Variants in PES1 observed in about 807,000 individuals in gnomAD.
PES1 encodes pescadillo ribosomal biogenesis factor 1.
Under a neutral mutation model 77.1 loss-of-function variants are expected in PES1, and 31 were observed. The observed-to-expected ratio is 0.40, with a 90% CI of 0.30 to 0.54. The LOEUF (loss-of-function observed/expected upper bound fraction) is 0.54, where lower values mean the gene tolerates loss of function less well. Ranked by LOEUF, PES1 falls within the 20% of genes least tolerant of loss-of-function variation. The probability of loss-of-function intolerance (pLI) is 0.45; values close to 1 mark genes in which losing one functional copy is unlikely to be tolerated. For missense variants in PES1, 658 were observed against 771.7 expected (o/e 0.85, Z 1.75); for synonymous variants, 282 against 303.0 (o/e 0.93, Z 0.72).
intron 2 of PES1, among the ~76,000 whole-genome samples, chr22:30,598,122 T>C (rs548410216): frequency 1.6e-4 from 24 of 152,164 alleles, no homozygotes; most frequent in Non-Finnish European, 2.9e-4. Flanking sequence ...GTTGAAGTTT[T>C]ATTCTTTCAC....
chr22:30,590,031 T>G (rs961787740), intron 1 of PES1, among the ~76,000 whole-genome samples: 2 of 152,160 alleles, frequency 1.3e-5, no homozygotes, highest in Admixed American at 6.5e-5. Context: ...AAAAGCATGC[T>G]CTAAGCCACA....
At chr22:30,580,301 C>A (rs938834116) in intron 10 of PES1, 123 bp from the exon 11 acceptor site, 10 of 1,243,592 alleles carry the variant, frequency 8.0e-6, no homozygotes, top group African/African-American at 1.5e-5. Context: ...ACAATTACCC[C>A]CTCCTCACCC....
chr22:30,582,096 G>A (rs1287283901), intron 6 of PES1, among the ~76,000 whole-genome samples: 2 of 152,244 alleles, frequency 1.3e-5, no homozygotes, highest in Admixed American at 6.5e-5. Flanking sequence ...CTGCATGTCT[G>A]CTGCTGGGCT....
chr22:30,596,911 TAG>T (rs1279103901), intron 2 of PES1, among the ~76,000 whole-genome samples: 1 of 152,112 alleles, frequency 6.6e-6, no homozygotes, highest in African/African-American at 2.4e-5. Context: ...GCGGGCCAGC[TAG>T]AGTTAAGGGT....
rs1026549389 is a variant in PES1 at position 30,586,427 on chromosome 22, T to C, written c.368+859A>G. The stretch of plus-strand genomic sequence containing the variant: ...GAGCCATCCTAGAGCTCAGTGTTCC[T>C]GGGCCATCAGCCTCCAAAGATGACA... On this transcript the variant is annotated intron_variant, in intron 4 of 14. Transcript: ENST00000354694. Among the ~76,000 whole-genome samples, 3 of 152,208 alleles carry C rather than the reference T, an allele frequency of 2.0e-5. No homozygotes were observed. The South Asian group carries it at 6.2e-4, about 31-fold the overall frequency.
chr22:30,597,877 G>GTTTTTT (rs869064352), intron 2 of PES1, among the ~76,000 whole-genome samples: 6 of 90,600 alleles, frequency 6.6e-5, no homozygotes, highest in Non-Finnish European at 9.6e-5. Flanking sequence ...CGCAGTTGAA[G>GTTTTTT]TTTTGTTTTT....
upstream of PES1, among the ~76,000 whole-genome samples, chr22:30,592,599 C>G (rs927848624): frequency 5.9e-5 from 9 of 152,180 alleles, no homozygotes; most frequent in Non-Finnish European, 1.0e-4. Flanking sequence ...GAGTTCGAGA[C>G]CAGTGTGACC....
chr22:30,584,343 C>T (rs1569023888), intron 6 of PES1, 22 bp downstream of exon 6: 3 of 1,563,400 alleles, frequency 1.9e-6, no homozygotes, highest in Non-Finnish European at 8.8e-7. Flanking sequence ...CAAGCCCGTC[C>T]CCTCCCGACA....
chr22:30,589,340 C>T, intron 1 of PES1, 70 bp from the exon 2 acceptor site: 1 of 1,271,548 alleles, frequency 7.9e-7, no homozygotes, highest in Admixed American at 1.9e-5. Flanking sequence ...CTGGGCATGC[C>T]TAGTTCCAGA....
chr22:30,584,556 G>C lies in PES1; in HGVS notation c.530C>G (p.Ala177Gly). ...EFMHYIIAAR[A>G]LRKVFLSIKG... ...CAGTCCCAGGCTCACCTTGCGCAGG[G>C]CACGGGCAGCGATAATGTAGTGCAT... Residue 177 changes from alanine (A) to glycine (G), a missense_variant, in exon 5 of 15, where the codon GCC becomes GGC. Physicochemically the swap from Ala to Gly is moderately conservative, Grantham distance 60 (BLOSUM62 0). Transcript: ENST00000354694. 2 of 1,610,692 alleles carry C rather than the reference G, an allele frequency of 1.2e-6. No homozygotes were observed. The highest frequency in any genetic ancestry group is 2.2e-5 in the South Asian group (2 of 90,594).
rs2086969871 is a variant in PES1 at position 30,580,672 on chromosome 22, C to T, written c.942G>A (p.Arg314=). The change falls in exon 10 of 15, where the codon AGG becomes AGA. Residue 314 remains arginine (R), a synonymous_variant. Coordinates refer to ENST00000354694, the MANE Select transcript of PES1 (RefSeq NM_014303.4). ...GEMSAQEEDR[R]KELEAQEKHK... ...GCTTCTCCTGCGCCTCCAGCTCCTTCCTGCGGTCTTCCTCCTGCGCTGACA... is the reference window on the plus strand; with the variant it reads ...GCTTCTCCTGCGCCTCCAGCTCCTTTCTGCGGTCTTCCTCCTGCGCTGACA... 1.2e-6 allele frequency: 2 copies of T among 1,613,506 alleles called. No homozygotes were observed. The highest frequency in any genetic ancestry group is 1.7e-6 in the Non-Finnish European group (2 of 1,180,026).
chr22:30,601,269 A>G (rs887233836), intron 2 of PES1, among the ~76,000 whole-genome samples: 1 of 152,126 alleles, frequency 6.6e-6, no homozygotes, highest in Non-Finnish European at 1.5e-5. Flanking sequence ...ACAATCTGAC[A>G]CATCCTCTTT....
rs746766101 is a variant in PES1, at chr22:30,584,550, C to T, written c.536G>A (p.Arg179His). 59 of 1,610,208 alleles carry T rather than the reference C, an allele frequency of 3.7e-5. No homozygotes were observed. Among genetic ancestry groups the T allele is most frequent in the Non-Finnish European group, 4.5e-5 (53 of 1,178,290 alleles). ...MHYIIAARALRKVFLSIKGIY... is the reference protein window; with the variant it reads ...MHYIIAARALHKVFLSIKGIY... ...GCCGGGCAGTCCCAGGCTCACCTTG[C>T]GCAGGGCACGGGCAGCGATAATGTA... Residue 179 changes from arginine (R) to histidine (H), a missense_variant, in exon 5 of 15, where the codon CGC (arginine) becomes CAC (histidine). Physicochemically the swap from Arg to His is conservative, Grantham distance 29. Transcript: ENST00000354694.
rs998996299 is a variant in PES1 at position 30,598,105 on chromosome 22, G to C, written c.-660-5707C>G. 7.2e-5 allele frequency among the ~76,000 whole-genome samples: 11 copies of C among 152,122 alleles called. No individual in the cohort carries two copies. In the East Asian group the frequency reaches 1.7e-3, roughly 24 times the overall value. ...TCACCGTTTTAGCCGGGATGGTCTC[G>C]ATCGCAGTTGAAGTTTTATTCTTTC... On this transcript the variant is annotated intron_variant, in intron 2 of 16. Transcript: ENST00000402281.
intron 2 of PES1, among the ~76,000 whole-genome samples, chr22:30,598,029 G>A (rs982512306): frequency 4.0e-5 from 6 of 151,290 alleles, no homozygotes; most frequent in South Asian, 2.1e-4. Flanking sequence ...GACTACAGGC[G>A]CCCGCCACTA....
At chr22:30,588,220 T>C (rs2087122717) in intron 2 of PES1, 46 bp from the exon 3 acceptor site, 22 of 1,611,376 alleles carry the variant, frequency 1.4e-5, no homozygotes, top group Non-Finnish European at 1.9e-5. Flanking sequence ...TGGGTAAAGG[T>C]GGGGAGCACT....
chr22:30,591,834 C>A lies in PES1; in HGVS notation c.-1G>T, dbSNP rs1311948597. On this transcript the variant is annotated 5_prime_UTR_variant, in exon 1 of 15. Coordinates refer to ENST00000354694, the MANE Select transcript of PES1 (RefSeq NM_014303.4). ...CCTTCTTCTTCTCAAGGCCTCCCAT[C>A]GCTCCACGTTGAGGAGCCGACTAGG... 9 of 1,561,844 alleles carry A rather than the reference C, an allele frequency of 5.8e-6. No homozygotes were observed. The highest frequency in any genetic ancestry group is 7.8e-6 in the Non-Finnish European group (9 of 1,153,892).
upstream of PES1, among the ~76,000 whole-genome samples, chr22:30,594,760 G>A (rs914961692): frequency 6.6e-6 from 1 of 151,842 alleles, no homozygotes; most frequent in Non-Finnish European, 1.5e-5. Flanking sequence ...CTTGAGCCCA[G>A]GAGTTTGAAA....
chr22:30,585,343 G>T (rs113285373), intron 4 of PES1: 13 of 471,376 alleles, frequency 2.8e-5, no homozygotes, highest in Non-Finnish European at 5.7e-5. Context: ...CAACAAGGAT[G>T]AGCCACCCTG....
Sources: allele counts gnomAD v4.1 joint callset (sites outside exome capture counted in the v4.1 genomes callset), GRCh38; gene constraint gnomAD v4.1.1; transcripts MANE v1.5; gene names NCBI Gene and HGNC (gene_info 2026-07-23, HGNC 2026-07-21).